The following IPPK variants were observed in gnomAD, a reference collection of about 807,000 sequenced individuals.
The protein encoded by IPPK is IPK1 homolog.
Under a neutral mutation model 64.6 loss-of-function variants are expected in IPPK, and 22 were observed. The observed-to-expected ratio is 0.34, with a 90% confidence interval of 0.24 to 0.49. The LOEUF is 0.49. Ranked by LOEUF, IPPK falls within the 20% of genes least tolerant of loss-of-function variation. The pLI is 0.99. For synonymous variants in IPPK, 262 were observed against 247.2 expected, an observed-to-expected ratio of 1.06 and a Z score of -0.56; for missense variants, 532 against 630.7, an observed-to-expected ratio of 0.84 and a Z score of 1.68.
chr9:92,658,491 T>C (rs975112020), intron 2 of IPPK, 143 bp downstream of exon 2: 3 of 735,196 alleles, frequency 4.1e-6, no homozygotes, highest in African/African-American at 3.5e-5. Context: ...ATATCAGGAA[T>C]GATGGACACA....
intron 1 of IPPK, among the ~76,000 whole-genome samples, chr9:92,667,032 A>G (rs1333557859): frequency 6.6e-6 from 1 of 152,226 alleles, no homozygotes; most frequent in Non-Finnish European, 1.5e-5. Flanking sequence ...CTCCTGCAGG[A>G]CGAGCTCAGG....
At chr9:92,638,971 C>G (rs1423615935) in intron 8 of IPPK, among the ~76,000 whole-genome samples, 1 of 152,226 alleles carries the variant, frequency 6.6e-6, no homozygotes, top group African/African-American at 2.4e-5. Context: ...CTGGATGCTG[C>G]CCAGGGGAAA....
chr9:92,659,777 G>A (rs187415505), intron 1 of IPPK, among the ~76,000 whole-genome samples: 28 of 152,174 alleles, frequency 1.8e-4, no homozygotes, highest in Non-Finnish European at 3.5e-4. Context: ...TCCCCCACCC[G>A]CTCCCCGCAG....
intron 6 of IPPK, among the ~76,000 whole-genome samples, chr9:92,645,919 G>T (rs1472367178): frequency 6.6e-6 from 1 of 151,718 alleles, no homozygotes; most frequent in Admixed American, 6.6e-5. Flanking sequence ...TCCACAGGAA[G>T]AAATAAAGAG....
Position 92,635,326 on chromosome 9 carries a change from G to T in IPPK, c.917-18C>A. 6.2e-7 allele frequency: 1 copy of T among 1,603,088 alleles called. No individual in the cohort carries two copies. The highest frequency in any genetic ancestry group is 8.5e-7 in the Non-Finnish European group (1 of 1,174,970). ...GTTTTTTCCTACCGAGAACATCAGG[G>T]GAAAACGAGAGCATGTTGATTATCA... On this transcript the variant is annotated intron_variant, in intron 9 of 12. Coordinates refer to ENST00000287996, the MANE Select transcript of IPPK (RefSeq NM_022755.6). The surrounding 1 kb of genome is among the most constrained non-coding windows in gnomAD (Gnocchi z 4.4).
chr9:92,669,927 A>G lies in IPPK; in HGVS notation c.62T>C (p.Leu21Pro). The change falls in exon 1 of 13, where the codon CTG becomes CCG. Residue 21 changes from leucine (L) to proline (P), a missense_variant. By Grantham distance (98) the Leu-to-Pro change is moderately conservative (BLOSUM62 -3). Transcript: ENST00000287996. ...GCTCACCTGCGCGTGGGCCACCACCAGGCTCTTATTGCCCTCTCCGTGGTA... is the reference window on the plus strand; with the variant it reads ...GCTCACCTGCGCGTGGGCCACCACCGGGCTCTTATTGCCCTCTCCGTGGTA... ...WGYHGEGNKSLVVAHAQRCVV... is the reference protein window; with the variant it reads ...WGYHGEGNKSPVVAHAQRCVV... 6.2e-7 allele frequency: 1 copy of G among 1,612,750 alleles called. No individual in the cohort carries two copies. Among genetic ancestry groups the G allele is most frequent in the Non-Finnish European group, 8.5e-7 (1 of 1,179,300 alleles).
chr9:92,632,383 T>C (rs1289805469), intron 11 of IPPK, among the ~76,000 whole-genome samples: 1 of 152,260 alleles, frequency 6.6e-6, no homozygotes, highest in Non-Finnish European at 1.5e-5. Flanking sequence ...GTTGTTTCAG[T>C]GTCTTTATTT....
intron 8 of IPPK, 129 bp downstream of exon 8, chr9:92,640,581 C>T: frequency 1.4e-6 from 1 of 724,830 alleles, no homozygotes; most frequent in Non-Finnish European, 2.5e-6. Context: ...CCAGTCAGGG[C>T]ATGAGGACCC....
intron 5 of IPPK, among the ~76,000 whole-genome samples, chr9:92,649,118 G>A (rs931629295): frequency 1.2e-4 from 18 of 152,232 alleles, no homozygotes; most frequent in African/African-American, 4.1e-4. Context: ...CTGGCAAGCT[G>A]TGCCCTCTGA....
intron 4 of IPPK, 89 bp from the exon 5 acceptor site, chr9:92,649,663 G>T: frequency 6.8e-7 from 1 of 1,476,770 alleles, no homozygotes; most frequent in South Asian, 1.2e-5. Context: ...CTTGTCCCTG[G>T]TTCCAGGGGG....
intron 9 of IPPK, among the ~76,000 whole-genome samples, chr9:92,637,628 TTCTC>T (rs1029329404): frequency 2.3e-4 from 35 of 152,316 alleles, no homozygotes; most frequent in African/African-American, 8.4e-4. Context: ...TGTGCCTCAA[TTCTC>T]TCTGTCTAAG....
At chr9:92,652,084 T>G (rs557610304) in intron 4 of IPPK, among the ~76,000 whole-genome samples, 1 of 152,264 alleles carries the variant, frequency 6.6e-6, no homozygotes, top group African/African-American at 2.4e-5. Flanking sequence ...GCTGTGGTTT[T>G]CTGATACAGA....
At chr9:92,646,432 C>T (rs780357896) in intron 6 of IPPK, among the ~76,000 whole-genome samples, 4 of 152,210 alleles carry the variant, frequency 2.6e-5, no homozygotes, top group Non-Finnish European at 5.9e-5. Flanking sequence ...TCTCCAAATA[C>T]AGTGGAATGA....
chr9:92,623,317 C>T (rs566652433), intron 11 of IPPK, among the ~76,000 whole-genome samples: 2 of 151,988 alleles, frequency 1.3e-5, no homozygotes, highest in South Asian at 4.2e-4. Context: ...GCCTGTAATC[C>T]CAGCTACTCG....
intron 5 of IPPK, among the ~76,000 whole-genome samples, chr9:92,648,536 G>A (rs561025057): frequency 2.0e-4 from 30 of 152,298 alleles, no homozygotes; most frequent in Admixed American, 3.3e-4. Context: ...CACATGGCCC[G>A]ACAGAGGCCC....
intron 6 of IPPK, among the ~76,000 whole-genome samples, chr9:92,643,449 A>G (rs1283737422): frequency 6.6e-6 from 1 of 152,248 alleles, no homozygotes; most frequent in Non-Finnish European, 1.5e-5. Flanking sequence ...ACCAGCACAT[A>G]GCAAACAATT....
intron 4 of IPPK, among the ~76,000 whole-genome samples, chr9:92,650,944 T>C (rs1852255334): frequency 6.6e-6 from 1 of 152,100 alleles, no homozygotes; most frequent in East Asian, 1.9e-4. Context: ...TTTAACATAA[T>C]GAGCCTTACT....
chr9:92,665,152 C>A (rs538778169), intron 1 of IPPK, among the ~76,000 whole-genome samples: 1 of 152,192 alleles, frequency 6.6e-6, no homozygotes, highest in Non-Finnish European at 1.5e-5. Context: ...CAGCCTAGAG[C>A]GCCACTAAAA....
intron 7 of IPPK, among the ~76,000 whole-genome samples, chr9:92,642,099 C>G (rs1307616911): frequency 6.6e-6 from 1 of 152,260 alleles, no homozygotes; most frequent in Non-Finnish European, 1.5e-5. Context: ...CTGCCAGCAT[C>G]CTCTGCTGCC....
Sources: gnomAD v4.1 joint callset for allele counts (sites outside exome capture counted in the v4.1 genomes callset) on GRCh38, gnomAD v4.1.1 for gene constraint, Gnocchi (gnomAD v3.1) non-coding constraint, MANE v1.5 for transcripts, NCBI Gene and HGNC (gene_info 2026-07-23, HGNC 2026-07-21) for gene names.